The following TBX3 variants were observed in gnomAD, a reference collection of about 807,000 sequenced individuals.
TBX3 encodes the protein T-box transcription factor TBX3.
A neutral mutation model predicts 47.8 loss-of-function variants in TBX3; 11 were observed. The ratio of observed to expected loss-of-function variants is 0.23; its 90% confidence interval spans 0.14 to 0.38. The LOEUF (loss-of-function observed/expected upper bound fraction) is 0.38. TBX3 is among the 10% of genes least tolerant of loss of function. The pLI is 1.00. For missense variants in TBX3, 927 were observed against 1,022.8 expected (o/e 0.91, Z 1.28); for synonymous variants, 500 against 449.3 (o/e 1.11, Z -1.43).
chr12:114,672,299 G>A lies in TBX3; in HGVS notation c.1714C>T (p.Leu572=), dbSNP rs1383103347. Residue 572 remains leucine (L), a synonymous_variant, in exon 7 of 7, where the codon CTG becomes TTG. Transcript: ENST00000349155. ...AGGCTTCCGAAAGGGGACATGGCCA[G>A]GCCCTGGGGTGAGAAAAGAGACACA... ...LQQHVLASQG[L]AMSPFGSLFP... 13 of 1,547,338 alleles carry A rather than the reference G, an allele frequency of 8.4e-6. No individual in the cohort carries two copies. The highest frequency in any genetic ancestry group is 4.1e-5 in the African/African-American group (3 of 72,940).
intron 6 of TBX3, among the ~76,000 whole-genome samples, chr12:114,673,888 GA>G (rs1012568869): frequency 9.9e-5 from 15 of 152,244 alleles, no homozygotes; most frequent in African/African-American, 3.6e-4. Flanking sequence ...AAGAATGCCT[GA>G]AAGTAAGTGC....
chr12:114,674,635 C>T lies in TBX3; in HGVS notation c.1240G>A (p.Asp414Asn), dbSNP rs1033763029. Reference sequence around the variant, plus strand: ...ATGGTGGCGGGGCTATGGCGTGAGTCGGGCGACGCTTTGTCCAGCCGCCCG... The same window carrying T: ...ATGGTGGCGGGGCTATGGCGTGAGTTGGGCGACGCTTTGTCCAGCCGCCCG... ...DSGRLDKASP[D>N]SRHSPATISS... The change falls in exon 6 of 7, where the codon GAC becomes AAC. Residue 414 changes from aspartate to asparagine, a missense_variant. Asp to Asn is a conservative substitution (Grantham distance 23, BLOSUM62 1). Around this residue, in one of 5 missense-constraint regions of TBX3, gnomAD observed 623 missense variants for 569.0 expected, o/e 1.09. Coordinates refer to ENST00000349155, the MANE Select transcript of TBX3 (RefSeq NM_005996.4). 20 of 1,606,216 alleles carry T rather than the reference C, an allele frequency of 1.2e-5. No homozygotes were observed. The Admixed American group carries it at 2.0e-4, about 16-fold the overall frequency.
rs955955389 is a variant in TBX3, at chr12:114,670,465, T to C, written c.*1376A>G. On this transcript the variant is annotated 3_prime_UTR_variant, in exon 7 of 7. Transcript: ENST00000349155. ...AAAACACCGATACTGACAACAGTAG[T>C]AAATTCCACTTCGTTTTGAGGAAAT... 2 of 218,732 alleles carry C rather than the reference T, an allele frequency of 9.1e-6. No homozygotes were observed. Among genetic ancestry groups the C allele is most frequent in the African/African-American group, 4.5e-5 (2 of 44,634 alleles). 13.5% of individuals were successfully genotyped at this position (218,732 alleles called of 1,614,324 possible).
At chr12:114,681,577 T>C (rs1245796460) in intron 1 of TBX3, among the ~76,000 whole-genome samples, 1 of 152,122 alleles carries the variant, frequency 6.6e-6, no homozygotes, top group Non-Finnish European at 1.5e-5. Flanking sequence ...CCACCACCCA[T>C]TGATGAGAAA....
chr12:114,672,098 C>T lies in TBX3; in HGVS notation c.1915G>A (p.Ala639Thr), dbSNP rs1182290035. ...VPDGSSLLTT[A>T]LPSMAAAAGP... is the part of the protein sequence containing the mutation. Reference sequence around the variant, plus strand: ...GCGGCCGCCGCCATGGAGGGCAGGGCGGTGGTGAGCAGACTGCTGCCGTCC... The same window carrying T: ...GCGGCCGCCGCCATGGAGGGCAGGGTGGTGGTGAGCAGACTGCTGCCGTCC... Residue 639 changes from alanine to threonine, a missense_variant, in exon 7 of 7, where the codon GCC (alanine) becomes ACC (threonine). Physicochemically the swap from Ala to Thr is moderately conservative, Grantham distance 58. Transcript: ENST00000349155. The T allele has an allele frequency of 1.9e-6, 3 of 1,568,442 alleles. No individual in the cohort carries two copies. Among genetic ancestry groups the T allele is most frequent in the Non-Finnish European group, 1.7e-6 (2 of 1,156,932 alleles).
Position 114,683,081 on chromosome 12 carries a change from G to A in TBX3, c.120C>T (p.Phe40=), listed in dbSNP as rs2121159967. The change falls in exon 1 of 7, where the codon TTC becomes TTT. Residue 40 remains phenylalanine (F), a synonymous_variant. Transcript: ENST00000349155. The surrounding 1 kb of genome is among the most constrained non-coding windows in gnomAD (Gnocchi z 7.7). Reference sequence around the variant, plus strand: ...TGGGAGGCAGCGTCAGCGCGGGGAAGAACGGCGGCTGGTGACCCAGCACCG... The same window carrying A: ...TGGGAGGCAGCGTCAGCGCGGGGAAAAACGGCGGCTGGTGACCCAGCACCG... ...MSAVLGHQPP[F]FPALTLPPNG... The A allele has an allele frequency of 6.2e-7, 1 of 1,610,810 alleles. No homozygotes were observed. The highest frequency in any genetic ancestry group is 8.5e-7 in the Non-Finnish European group (1 of 1,178,252).
In TBX3 at chr12:114,682,930, T is replaced by C. The variant is rs755627893; in HGVS notation, c.271A>G (p.Lys91Glu). Reference protein sequence around the residue: ...LGPQAHLRPLKTMEPEEEVED... With the variant: ...LGPQAHLRPLETMEPEEEVED... Reference sequence around the variant, plus strand: ...ACCTCTTCTTCGGGCTCCATGGTCTTCAAAGGCCTCAGATGCGCCTGGGGC... The same window carrying C: ...ACCTCTTCTTCGGGCTCCATGGTCTCCAAAGGCCTCAGATGCGCCTGGGGC... Residue 91 changes from lysine (K) to glutamate (E), a missense_variant, in exon 1 of 7, where the codon AAG becomes GAG. Lys to Glu is a moderately conservative substitution (Grantham distance 56, BLOSUM62 1). Transcript: ENST00000349155. 6.2e-7 allele frequency: 1 copy of C among 1,614,010 alleles called. No individual in the cohort carries two copies. The highest frequency in any genetic ancestry group is 1.3e-5 in the African/African-American group (1 of 74,918).
rs2121382479 is a variant in TBX3 at position 114,674,305 on chromosome 12, C to T, written c.1570G>A (p.Ala524Thr). 6.3e-7 allele frequency: 1 copy of T among 1,578,044 alleles called. No individual in the cohort carries two copies. The highest frequency in any genetic ancestry group is 8.6e-7 in the Non-Finnish European group (1 of 1,162,180). The change falls in exon 6 of 7, where the codon GCC becomes ACC. Residue 524 changes from alanine to threonine, a missense_variant. Ala to Thr is a moderately conservative substitution (Grantham distance 58, BLOSUM62 0). Transcript: ENST00000349155. The part of the protein sequence containing the change: ...MAAAGMGPLL[A>T]TVSGASTGVS... ...CCGGTGGAGGCCCCAGAAACCGTGG[C>T]CAGGAGGGGACCCATGCCAGCGGCC... is the stretch of plus-strand genomic sequence containing the variant.
Position 114,680,268 on chromosome 12 carries a change from T to C in TBX3, c.657+611A>G, listed in dbSNP as rs1592850763. 3 of 447,330 alleles carry C rather than the reference T, an allele frequency of 6.7e-6. No individual in the cohort carries two copies. The South Asian group carries it at 7.1e-5, about 11-fold the overall frequency. The allele number at this position is 447,330 out of a possible 1,614,324, so 27.7% of individuals were successfully genotyped here. ...GAAAAGGCGCAAAAGGTCCTTTGCC[T>C]GATATCTACAAGCAATGAAAGTTTT... On this transcript the variant is annotated intron_variant, in intron 2 of 6. Transcript: ENST00000349155.
chr12:114,680,727 C>T, intron 2 of TBX3, 152 bp downstream of exon 2: 6 of 1,156,620 alleles, frequency 5.2e-6, no homozygotes, highest in Non-Finnish European at 7.7e-6. Flanking sequence ...TGGAGAGAAA[C>T]ACCCCGAATC....
chr12:114,674,468 G>T lies in TBX3; in HGVS notation c.1407C>A (p.Ala469=). Reference sequence around the variant, plus strand: ...GGGGGCCCTGGGCCAGGTGCGCGGCGGCCGCGTCCGTCTGCACCGTGAGCG... The same window carrying T: ...GGGGGCCCTGGGCCAGGTGCGCGGCTGCCGCGTCCGTCTGCACCGTGAGCG... ...FAPLTVQTDA[A]AAHLAQGPLP... The change falls in exon 6 of 7, where the codon GCC becomes GCA. Residue 469 remains alanine (A), a synonymous_variant. Transcript: ENST00000349155. 6.5e-7 allele frequency: 1 copy of T among 1,541,130 alleles called. No individual in the cohort carries two copies. The highest frequency in any genetic ancestry group is 8.7e-7 in the Non-Finnish European group (1 of 1,143,452).
chr12:114,676,570 C>G, intron 4 of TBX3, 100 bp from the exon 5 acceptor site: 1 of 1,473,078 alleles, frequency 6.8e-7, no homozygotes, highest in Non-Finnish European at 9.4e-7. Context: ...ACCTCACACC[C>G]TGCCTGCTGC....
intron 3 of TBX3, among the ~76,000 whole-genome samples, chr12:114,678,896 C>T (rs1868815658): frequency 6.6e-6 from 1 of 151,922 alleles, no homozygotes; most frequent in Admixed American, 6.5e-5. Flanking sequence ...GTGACTTTGG[C>T]CACCCCAACT....
Position 114,671,898 on chromosome 12 carries a change from C to T in TBX3, c.2115G>A (p.Gln705=). 3.8e-6 allele frequency: 6 copies of T among 1,579,014 alleles called. No individual in the cohort carries two copies. Among genetic ancestry groups the T allele is most frequent in the Non-Finnish European group, 5.2e-6 (6 of 1,162,592 alleles). Residue 705 remains glutamine (Q), a synonymous_variant, in exon 7 of 7, where the codon CAG becomes CAA. Coordinates refer to ENST00000349155, the MANE Select transcript of TBX3 (RefSeq NM_005996.4). ...EAATSELQSI[Q]RLVSGLEAKP... Reference sequence around the variant, plus strand: ...TGGCTTCCAAGCCGCTAACCAACCGCTGGATGCTCTGCAGTTCGCTGGTGG... The same window carrying T: ...TGGCTTCCAAGCCGCTAACCAACCGTTGGATGCTCTGCAGTTCGCTGGTGG...
chr12:114,682,766 GA>G (rs756291481), intron 1 of TBX3, 45 bp downstream of exon 1: 2 of 1,613,702 alleles, frequency 1.2e-6, no homozygotes, highest in Admixed American at 3.3e-5. Flanking sequence ...ATAAAGGGAG[GA>G]AAAAACTCTC....
In TBX3 at chr12:114,680,962, C is replaced by T. The variant is rs768160499; in HGVS notation, c.574G>A (p.Ala192Thr). ...TTGGACATCCACTGTTCCCCAGTAG[C>T]GGGGCTGTCCGGGTGAATGTACATC... ...KRMYIHPDSPATGEQWMSKVV... is the reference protein window; with the variant it reads ...KRMYIHPDSPTTGEQWMSKVV... The change falls in exon 2 of 7, where the codon GCT (alanine) becomes ACT (threonine). Residue 192 changes from alanine (A) to threonine (T), a missense_variant. Ala to Thr is a moderately conservative substitution (Grantham distance 58). Around this residue, in one of 5 missense-constraint regions of TBX3, gnomAD observed 216 missense variants for 281.2 expected, o/e 0.77. Coordinates refer to ENST00000349155, the MANE Select transcript of TBX3 (RefSeq NM_005996.4). 22 of 1,614,138 alleles carry T rather than the reference C, an allele frequency of 1.4e-5. No individual in the cohort carries two copies. Among genetic ancestry groups the T allele is most frequent in the East Asian group, 8.9e-5 (4 of 44,880 alleles).
intron 1 of TBX3, among the ~76,000 whole-genome samples, 200 bp from the exon 2 acceptor site, chr12:114,681,346 G>A (rs535541491): frequency 2.6e-5 from 4 of 152,238 alleles, no homozygotes; most frequent in African/African-American, 7.2e-5. Flanking sequence ...TCTCAGTTTC[G>A]CCATATTTAG....
rs753655242 is a variant in TBX3 at position 114,674,166 on chromosome 12, T to A, written c.1709A>T (p.Gln570Leu). Residue 570 changes from glutamine to leucine, a missense_variant and splice_region_variant, in exon 6 of 7, where the codon CAG becomes CTG. Around this residue, in one of 5 missense-constraint regions of TBX3, gnomAD observed 623 missense variants for 569.0 expected, o/e 1.09. Coordinates refer to ENST00000349155, the MANE Select transcript of TBX3 (RefSeq NM_005996.4). Reference protein sequence around the residue: ...FHLQQHVLASQGLAMSPFGSL... With the variant: ...FHLQQHVLASLGLAMSPFGSL... ...GGAGGCAGGAAGAAGGATCCATACC[T>A]GAGAGGCCAGGACGTGCTGCTGGAG... 1 of 1,582,000 alleles carries A rather than the reference T, an allele frequency of 6.3e-7. No homozygotes were observed.
Position 114,683,152 on chromosome 12 carries a change from A to G in TBX3, c.49T>C (p.Tyr17His), listed in dbSNP as rs915182445. Residue 17 changes from tyrosine (Y) to histidine (H), a missense_variant, in exon 1 of 7, where the codon TAC (tyrosine) becomes CAC (histidine). This residue lies in a region of TBX3 where 216 missense variants were observed against 281.2 expected (regional missense o/e 0.77). Coordinates refer to ENST00000349155, the MANE Select transcript of TBX3 (RefSeq NM_005996.4). This position sits in a 1 kb window ranked among gnomAD's most constrained non-coding sequence, Gnocchi z 7.7. ...GCCCGGTGAGGTAGGAACGGATGGT[A>G]GGCCATGCTTGTCCCAGGAATGACC... ...DPVIPGTSMA[Y>H]HPFLPHRAPD... 2 of 1,612,544 alleles carry G rather than the reference A, an allele frequency of 1.2e-6. No homozygotes were observed. Among genetic ancestry groups the G allele is most frequent in the Non-Finnish European group, 1.7e-6 (2 of 1,179,608 alleles).
Sources: gnomAD v4.1 joint callset for allele counts (sites outside exome capture counted in the v4.1 genomes callset) on GRCh38, gnomAD v4.1.1 for gene constraint, gnomAD v4.1.1 regional missense constraint, Gnocchi (gnomAD v3.1) non-coding constraint, MANE v1.5 for transcripts, NCBI Gene and HGNC (gene_info 2026-07-23, HGNC 2026-07-21) for gene names.